Variants in MYO9A observed in about 807,000 individuals in gnomAD.
The protein encoded by MYO9A is myosin IXA, also known as unconventional myosin-IXa.
A neutral mutation model predicts 293.3 loss-of-function variants in MYO9A; 103 were observed. The observed-to-expected ratio is 0.35, with a 90% CI of 0.30 to 0.41. The LOEUF (loss-of-function observed/expected upper bound fraction) is 0.41. Among genes scored for constraint, MYO9A ranks in the 10% least tolerant of loss-of-function variants. The pLI, the probability that MYO9A is intolerant of heterozygous loss-of-function variation, is 1.00. For missense variants in MYO9A, 2,685 were observed against 3,033.0 expected (o/e 0.89, Z 2.69); for synonymous variants, 1,001 against 1,035.7 (o/e 0.97, Z 0.64).
chr15:71,914,621 A>G (rs576952235), intron 19 of MYO9A, among the ~76,000 whole-genome samples: 2 of 152,302 alleles, frequency 1.3e-5, no homozygotes, highest in Admixed American at 6.5e-5. Flanking sequence ...AACATACCAT[A>G]CATTGGTCAT....
intron 39 of MYO9A, among the ~76,000 whole-genome samples, chr15:71,840,911 G>C (rs1324444557): frequency 6.6e-6 from 1 of 152,230 alleles, no homozygotes; most frequent in Non-Finnish European, 1.5e-5. Context: ...GATTACAGGC[G>C]TGAGCCGCCG....
chr15:71,905,419 T>A (rs1293413281), intron 19 of MYO9A, among the ~76,000 whole-genome samples: 1 of 152,216 alleles, frequency 6.6e-6, no homozygotes, highest in Non-Finnish European at 1.5e-5. Flanking sequence ...TATCCCTTTT[T>A]TTATTCCTGA....
chr15:71,979,441 A>G (rs2076219345), intron 11 of MYO9A, among the ~76,000 whole-genome samples: 1 of 152,148 alleles, frequency 6.6e-6, no homozygotes, highest in South Asian at 2.1e-4. Flanking sequence ...CCCAAGGACT[A>G]TCCAAACCCT....
At chr15:72,040,697 C>T (rs1470328279) in intron 2 of MYO9A, among the ~76,000 whole-genome samples, 1 of 151,952 alleles carries the variant, frequency 6.6e-6, no homozygotes, top group Non-Finnish European at 1.5e-5. Flanking sequence ...CCGAAGAACC[C>T]GGTATTTTCT....
intron 7 of MYO9A, 132 bp downstream of exon 7, chr15:72,010,218 C>A: frequency 6.8e-6 from 4 of 591,108 alleles, no homozygotes; most frequent in Non-Finnish European, 1.2e-5. Flanking sequence ...AGAAATAATG[C>A]TCGAGATGGA....
chr15:72,075,946 T>C (rs1489294053), intron 1 of MYO9A, among the ~76,000 whole-genome samples: 1 of 152,082 alleles, frequency 6.6e-6, no homozygotes, highest in African/African-American at 2.4e-5. Flanking sequence ...GTACCAGTGG[T>C]AACAGCAAGT....
chr15:71,866,191 T>TA (rs2056317917), intron 32 of MYO9A, among the ~76,000 whole-genome samples: 1 of 152,180 alleles, frequency 6.6e-6, no homozygotes, highest in African/African-American at 2.4e-5. Context: ...TGTAATATCA[T>TA]AAAACCCCTA....
chr15:71,846,434 C>T (rs1004431526), intron 39 of MYO9A, among the ~76,000 whole-genome samples: 3 of 152,104 alleles, frequency 2.0e-5, no homozygotes, highest in Non-Finnish European at 2.9e-5. Flanking sequence ...GTTTTAAGTT[C>T]CAGATAAAGG....
At chr15:71,970,965 T>C (rs1055915394) in intron 12 of MYO9A, among the ~76,000 whole-genome samples, 65 of 151,876 alleles carry the variant, frequency 4.3e-4, no homozygotes, top group African/African-American at 1.5e-3. Flanking sequence ...GAGACCATCC[T>C]GGCTAACACA....
At chr15:71,980,519 G>A (rs1020231385) in intron 11 of MYO9A, among the ~76,000 whole-genome samples, 23 of 152,088 alleles carry the variant, frequency 1.5e-4, no homozygotes, top group Admixed American at 1.5e-3. Context: ...ATTTCCCCTT[G>A]TATGACGTGC....
Position 71,827,961 on chromosome 15 carries a change from G to C in MYO9A, c.7106C>G (p.Ser2369Cys). 1 of 1,613,868 alleles carries C rather than the reference G, an allele frequency of 6.2e-7. No homozygotes were observed. Among genetic ancestry groups the C allele is most frequent in the South Asian group, 1.1e-5 (1 of 91,052 alleles). ...ATCAGCAGTCCCAATGGAGGCCTCA[G>C]ACTCAAGGGTTTCATCATCAGAGGC... The part of the protein sequence containing the change: ...PRASDDETLE[S>C]EASIGTADSS... The change falls in exon 41 of 42, where the codon TCT (serine) becomes TGT (cysteine). Residue 2369 changes from serine to cysteine, a missense_variant. By Grantham distance (112) the Ser-to-Cys change is moderately radical (BLOSUM62 -1). Transcript: ENST00000356056.
chr15:72,004,703 A>G (rs993764991), intron 8 of MYO9A, among the ~76,000 whole-genome samples: 1 of 152,198 alleles, frequency 6.6e-6, no homozygotes, highest in African/African-American at 2.4e-5. Flanking sequence ...ATCTTCCACA[A>G]TTACCCACAA....
At chr15:71,919,091 C>A (rs1424727497) in intron 18 of MYO9A, among the ~76,000 whole-genome samples, 2 of 152,180 alleles carry the variant, frequency 1.3e-5, no homozygotes, top group African/African-American at 4.8e-5. Flanking sequence ...CACATAATAT[C>A]ATCTAAATTA....
intron 1 of MYO9A, among the ~76,000 whole-genome samples, chr15:72,109,477 G>A (rs1351646893): frequency 1.3e-5 from 2 of 151,814 alleles, no homozygotes; most frequent in African/African-American, 4.8e-5. Context: ...GAATCTAGTT[G>A]ATAGACATAA....
intron 1 of MYO9A, among the ~76,000 whole-genome samples, chr15:72,103,894 T>C (rs1458767889): frequency 2.0e-5 from 3 of 152,190 alleles, no homozygotes; most frequent in Admixed American, 6.5e-5. Flanking sequence ...ATGGTGAGGT[T>C]GGAGGGAAGC....
intron 10 of MYO9A, among the ~76,000 whole-genome samples, chr15:71,992,406 A>C (rs1332526594): frequency 2.6e-5 from 4 of 152,220 alleles, no homozygotes; most frequent in African/African-American, 9.6e-5. Context: ...ACTGGTGCTA[A>C]GAGATACAAC....
intron 2 of MYO9A, among the ~76,000 whole-genome samples, chr15:72,035,964 A>C (rs1201087834): frequency 1.3e-5 from 2 of 152,320 alleles, no homozygotes; most frequent in East Asian, 3.9e-4. Context: ...TTATACACAG[A>C]GGACTATAAA....
chr15:71,910,149 TGTGTATATATATATAC>T (rs1392121531), intron 19 of MYO9A, among the ~76,000 whole-genome samples: 5 of 71,178 alleles, frequency 7.0e-5, no homozygotes, highest in African/African-American at 2.2e-4. Context: ...TATACGTGTG[TGTGTATATATATATAC>T]GTGTATATAT....
At chr15:72,052,803 C>T (rs1362020567) in intron 1 of MYO9A, among the ~76,000 whole-genome samples, 3 of 152,136 alleles carry the variant, frequency 2.0e-5, no homozygotes, top group African/African-American at 7.2e-5. Context: ...TGTAGAGTGG[C>T]CAAACTCCTC....
Sources: gnomAD v4.1 joint callset for allele counts (sites outside exome capture counted in the v4.1 genomes callset) on GRCh38, gnomAD v4.1.1 for gene constraint, MANE v1.5 for transcripts, NCBI Gene and HGNC (gene_info 2026-07-23, HGNC 2026-07-21) for gene names.